Variants in SH3GL3 observed in about 807,000 individuals in gnomAD.
The protein encoded by SH3GL3 is SH3 domain containing GRB2 like 3, endophilin A3, also known as endophilin-A3.
SH3GL3 carries 33 observed loss-of-function variants against 47.7 expected under a neutral mutation model. The observed-to-expected ratio is 0.69, with a 90% confidence interval of 0.52 to 0.92. SH3GL3 has a LOEUF of 0.92. Among genes scored for constraint, SH3GL3 ranks in the 40% least tolerant of loss-of-function variants. The probability of loss-of-function intolerance (pLI) is 0.00; values close to 1 mark genes in which losing one functional copy is unlikely to be tolerated. For missense variants in SH3GL3, 363 were observed against 417.8 expected, an observed-to-expected ratio of 0.87 and a Z score of 1.14; for synonymous variants, 155 against 148.8, an observed-to-expected ratio of 1.04 and a Z score of -0.30.
At position 83,559,237 on chromosome 15, in the gene SH3GL3, A is replaced by G. The variant is rs1283619426; in HGVS notation, c.46-16A>G. The G allele has an allele frequency of 2.9e-6, 4 of 1,399,986 alleles. No homozygotes were observed. Among genetic ancestry groups the G allele is most frequent in the Middle Eastern group, 1.8e-4 (1 of 5,652 alleles). The allele number at this position is 1,399,986 out of a possible 1,614,324, so 86.7% of individuals were successfully genotyped here. A position where few individuals can be genotyped will look rare whatever the true frequency, so the allele number is the denominator to read the frequency against. On this transcript the variant is annotated splice_polypyrimidine_tract_variant and intron_variant, in intron 1 of 8. Transcript: ENST00000427482. ...AAATCATTGTACAATGCAATTATTTATGTTTATTTCTGCAGCTATTTAGTG... is the reference window on the plus strand; with the variant it reads ...AAATCATTGTACAATGCAATTATTTGTGTTTATTTCTGCAGCTATTTAGTG...
At chr15:83,583,704 G>A (rs556108382) in intron 6 of SH3GL3, among the ~76,000 whole-genome samples, 4 of 152,214 alleles carry the variant, frequency 2.6e-5, no homozygotes, top group Admixed American at 1.3e-4. Context: ...GGTGACACAC[G>A]TGTGTCACTT....
At chr15:83,566,361 A>AGTGT (rs1326661845) in intron 3 of SH3GL3, among the ~76,000 whole-genome samples, 5 of 118,346 alleles carry the variant, frequency 4.2e-5, no homozygotes, top group Non-Finnish European at 9.1e-5. Flanking sequence ...AGAGAGAGAG[A>AGTGT]GAGAGTGTGT....
At chr15:83,549,553 G>A (rs1237535278) in intron 1 of SH3GL3, among the ~76,000 whole-genome samples, 1 of 152,132 alleles carries the variant, frequency 6.6e-6, no homozygotes, top group African/African-American at 2.4e-5. Context: ...GGGGAGTCCT[G>A]ACTCCAATTT....
At chr15:83,603,039 G>A (rs2060427541) in intron 8 of SH3GL3, among the ~76,000 whole-genome samples, 1 of 151,586 alleles carries the variant, frequency 6.6e-6, no homozygotes, top group Non-Finnish European at 1.5e-5. Flanking sequence ...TTGCCCTGTT[G>A]CCCAGGCTGG....
intron 4 of SH3GL3, 52 bp from the exon 5 acceptor site, chr15:83,572,513 A>G (rs2059568767): frequency 1.3e-6 from 2 of 1,512,442 alleles, no homozygotes; most frequent in South Asian, 2.4e-5. Context: ...AGCACTGTTA[A>G]CCTGGAGTAG....
At chr15:83,602,226 C>T (rs1346611991) in intron 8 of SH3GL3, among the ~76,000 whole-genome samples, 2 of 152,134 alleles carry the variant, frequency 1.3e-5, no homozygotes, top group African/African-American at 2.4e-5. Flanking sequence ...CAGGGATGAG[C>T]GCTCAAACAG....
intron 1 of SH3GL3, among the ~76,000 whole-genome samples, chr15:83,493,129 A>AT (rs934029910): frequency 4.0e-4 from 61 of 152,198 alleles, no homozygotes; most frequent in Middle Eastern, 3.4e-3. Context: ...TTTCTTGGTT[A>AT]TTTTTTTAAA....
chr15:83,608,902 C>A (rs1036798558), intron 8 of SH3GL3, among the ~76,000 whole-genome samples: 1 of 152,122 alleles, frequency 6.6e-6, no homozygotes, highest in Non-Finnish European at 1.5e-5. Context: ...TCAATGGTTA[C>A]CTTCCTCTCT....
intron 4 of SH3GL3, among the ~76,000 whole-genome samples, chr15:83,570,824 C>A (rs188988144): frequency 3.2e-4 from 48 of 152,278 alleles, no homozygotes; most frequent in Middle Eastern, 3.4e-3. Flanking sequence ...TTATTTTATT[C>A]TAAGGGCCAA....
chr15:83,603,277 C>T (rs1013434970), intron 8 of SH3GL3, among the ~76,000 whole-genome samples: 2 of 152,150 alleles, frequency 1.3e-5, no homozygotes, highest in Non-Finnish European at 2.9e-5. Context: ...TGTCACCACA[C>T]TGGCCACAAC....
chr15:83,559,168 T>G, intron 1 of SH3GL3, 85 bp from the exon 2 acceptor site: 1 of 808,262 alleles, frequency 1.2e-6, no homozygotes, highest in Non-Finnish European at 2.0e-6. Context: ...ATCCAAGTTT[T>G]TTTGTTTCTG....
chr15:83,620,683 T>C (rs2060913242), downstream of SH3GL3, among the ~76,000 whole-genome samples: 1 of 152,230 alleles, frequency 6.6e-6, no homozygotes, highest in Non-Finnish European at 1.5e-5. Context: ...AGAGCAGATT[T>C]AGCATCATTC....
intron 8 of SH3GL3, among the ~76,000 whole-genome samples, chr15:83,614,174 G>A (rs564661565): frequency 1.3e-5 from 2 of 152,254 alleles, no homozygotes; most frequent in East Asian, 3.9e-4. Flanking sequence ...GAAAAGTTCT[G>A]TATTGTAAGC....
rs549203075 is a variant in SH3GL3, at chr15:83,487,208, T to C, written c.45+39630T>C. On this transcript the variant is annotated intron_variant, in intron 1 of 8. Coordinates refer to ENST00000427482, the MANE Select transcript of SH3GL3 (RefSeq NM_003027.5). The stretch of plus-strand genomic sequence containing the variant: ...AATTTTTAACCGGTTTACCTGTTTT[T>C]TTTTTTTTTTTATCTTTCTTGTTCC... Among the ~76,000 whole-genome samples the C allele has an allele frequency of 3.0e-4, 38 of 127,610 alleles. 1 individual carries two copies. In the South Asian group the frequency reaches 8.4e-3, roughly 28 times the overall value. 83.7% of individuals were successfully genotyped at this position (127,610 alleles called of 152,430 possible).
chr15:83,626,978 T>C, the SH3GL3 span, among the ~76,000 whole-genome samples: 604 of 152,366 alleles, frequency 4.0e-3, 3 homozygotes, highest in African/African-American at 0.014. Context: ...AGAAATATCA[T>C]GACCTTTCCG....
At chr15:83,509,221 C>G (rs2042643552) in intron 1 of SH3GL3, among the ~76,000 whole-genome samples, 1 of 152,206 alleles carries the variant, frequency 6.6e-6, no homozygotes, top group African/African-American at 2.4e-5. Context: ...GAAGGCTGAC[C>G]TGCCGTGGAG....
chr15:83,629,492 C>A, the SH3GL3 span, among the ~76,000 whole-genome samples: 2 of 152,146 alleles, frequency 1.3e-5, no homozygotes, highest in African/African-American at 4.8e-5. Context: ...TAAACCTTGA[C>A]CTTTACTTCA....
At chr15:83,585,651 G>T (rs942859763) in intron 6 of SH3GL3, among the ~76,000 whole-genome samples, 2 of 152,150 alleles carry the variant, frequency 1.3e-5, no homozygotes. Context: ...AAATCCTTAG[G>T]ATTTAGTAGG....
chr15:83,503,731 T>C (rs1400358086), intron 1 of SH3GL3, among the ~76,000 whole-genome samples: 1 of 152,242 alleles, frequency 6.6e-6, no homozygotes, highest in Non-Finnish European at 1.5e-5. Context: ...TTAGTGATTC[T>C]GTGCTACTGT....
Sources: gnomAD v4.1 joint callset for allele counts (sites outside exome capture counted in the v4.1 genomes callset) on GRCh38, gnomAD v4.1.1 for gene constraint, MANE v1.5 for transcripts, NCBI Gene and HGNC (gene_info 2026-07-23, HGNC 2026-07-21) for gene names.